Variants in CYP4F12 observed in about 807,000 individuals in gnomAD.
CYP4F12 encodes the protein cytochrome P450 family 4 subfamily F member 12, also known as cytochrome P450 4F12.
A neutral mutation model predicts 56.5 loss-of-function variants in CYP4F12; 60 were observed. That is an observed-to-expected ratio of 1.06 (90% CI 0.86 to 1.32). The LOEUF is 1.32. CYP4F12 is among the 40% of genes most tolerant of loss of function. The pLI is 0.00. For missense variants in CYP4F12, 711 were observed against 683.5 expected (o/e 1.04, Z -0.45); for synonymous variants, 263 against 264.9 (o/e 0.99, Z 0.07).
At chr19:15,686,826 G>C (rs1356636681) in intron 9 of CYP4F12, among the ~76,000 whole-genome samples, 1 of 152,196 alleles carries the variant, frequency 6.6e-6, no homozygotes, top group Non-Finnish European at 1.5e-5. Context: ...GCTGGGGATG[G>C]AGAGGAGGCA....
intron 9 of CYP4F12, among the ~76,000 whole-genome samples, chr19:15,686,279 C>T (rs2007599328): frequency 6.6e-6 from 1 of 152,164 alleles, no homozygotes; most frequent in African/African-American, 2.4e-5. Context: ...AGAAAGAACC[C>T]ATTTCTAAAA....
Position 15,695,811 on chromosome 19 carries a change from C to G in CYP4F12, c.1116-125C>G. ...ATTGTTTTCTGCTTTTTAAAATTCTCAAATGTTTGATCCCCGTGGAGTTTA... is the reference window on the plus strand; with the variant it reads ...ATTGTTTTCTGCTTTTTAAAATTCTGAAATGTTTGATCCCCGTGGAGTTTA... On this transcript the variant is annotated intron_variant, in intron 9 of 12. Coordinates refer to ENST00000550308, the MANE Select transcript of CYP4F12 (RefSeq NM_023944.4). The G allele has an allele frequency of 2.2e-6, 3 of 1,345,862 alleles. No homozygotes were observed. In the South Asian group the frequency reaches 6.1e-5, roughly 27 times the overall value. 83.4% of individuals were successfully genotyped at this position (1,345,862 alleles called of 1,614,324 possible).
intron 7 of CYP4F12, chr19:15,684,482 A>G (rs538390207): frequency 3.9e-4 from 108 of 276,218 alleles, no homozygotes; most frequent in African/African-American, 2.3e-3. Context: ...TCCAAGGCAA[A>G]TTGCCATTCA....
chr19:15,675,558 A>G (rs1292950324), intron 2 of CYP4F12, among the ~76,000 whole-genome samples: 2 of 152,216 alleles, frequency 1.3e-5, no homozygotes, highest in Non-Finnish European at 2.9e-5. Context: ...TTCCATGGGG[A>G]CCTTCCCATA....
In CYP4F12 at chr19:15,678,301, T is replaced by A. The variant is rs774403922; in HGVS notation, c.239T>A (p.Met80Lys). The change falls in exon 3 of 13, where the codon ATG becomes AAG. Residue 80 changes from methionine (M) to lysine (K), a missense_variant. By Grantham distance (95) the Met-to-Lys change is moderately conservative. Transcript: ENST00000550308. ...TEEGLKNSTQ[M>K]SATYSQGFTV... The stretch of plus-strand genomic sequence containing the variant: ...GAGGGCTTGAAGAACTCGACCCAGA[T>A]GTCGGCCACCTATTCCCAGGGCTTT... The A allele has an allele frequency of 1.9e-6, 3 of 1,614,102 alleles. No individual in the cohort carries two copies. In the African/African-American group the frequency reaches 4.0e-5, roughly 22 times the overall value.
intron 9 of CYP4F12, among the ~76,000 whole-genome samples, chr19:15,686,874 G>A (rs377724290): frequency 1.6e-4 from 24 of 152,184 alleles, no homozygotes; most frequent in East Asian, 3.8e-4. Flanking sequence ...GTGTCCTCCC[G>A]TCCAAGCCTT....
At position 15,696,974 on chromosome 19, in the gene CYP4F12, C is replaced by T; in HGVS notation, c.1464C>T (p.His488=). 6.2e-7 allele frequency: 1 copy of T among 1,614,250 alleles called. No individual in the cohort carries two copies. The highest frequency in any genetic ancestry group is 8.5e-7 in the Non-Finnish European group (1 of 1,180,042). ...TGGTCCTGGCGTTGATGCTGCTGCACTTCCGGTTCCTGCCAGACCACACTG... is the reference window on the plus strand; with the variant it reads ...TGGTCCTGGCGTTGATGCTGCTGCATTTCCGGTTCCTGCCAGACCACACTG... ...MKVVLALMLL[H]FRFLPDHTEP... The change falls in exon 13 of 13, where the codon CAC becomes CAT. Residue 488 remains histidine, a synonymous_variant. Transcript: ENST00000550308.
In CYP4F12 at chr19:15,697,027, T is replaced by A. The variant is rs184430991; in HGVS notation, c.1517T>A (p.Met506Lys). The change falls in exon 13 of 13, where the codon ATG (methionine) becomes AAG (lysine). Residue 506 changes from methionine (M) to lysine (K), a missense_variant. By Grantham distance (95) the Met-to-Lys change is moderately conservative. Transcript: ENST00000550308. ...TEPRRKLELI[M>K]RAEGGLWLRV... ...CCCCGCAGGAAGCTGGAATTGATCA[T>A]GCGCGCCGAGGGCGGGCTTTGGCTG... The A allele has an allele frequency of 3.4e-4, 548 of 1,614,194 alleles. 5 individuals are homozygous for A. In the East Asian group the frequency reaches 0.01, roughly 30 times the overall value.
At chr19:15,692,065 T>C (rs1437812109) in intron 9 of CYP4F12, among the ~76,000 whole-genome samples, 5 of 152,134 alleles carry the variant, frequency 3.3e-5, no homozygotes, top group African/African-American at 1.2e-4. Flanking sequence ...TTCAAGCTAT[T>C]CTCCTGCCTC....
chr19:15,689,221 A>G (rs1046446440), intron 9 of CYP4F12, among the ~76,000 whole-genome samples: 3 of 152,092 alleles, frequency 2.0e-5, no homozygotes, highest in Non-Finnish European at 4.4e-5. Flanking sequence ...GCTAGTATCC[A>G]GAATCTACAA....
chr19:15,678,426 G>T (rs1277533988), intron 3 of CYP4F12, 21 bp downstream of exon 3: 8 of 1,613,950 alleles, frequency 5.0e-6, no homozygotes, highest in Non-Finnish European at 5.1e-6. Flanking sequence ...AGAGCTTGTG[G>T]TGGTGGGTGC....
intron 9 of CYP4F12, among the ~76,000 whole-genome samples, chr19:15,694,464 G>C (rs2008027521): frequency 6.8e-6 from 1 of 146,896 alleles, no homozygotes; most frequent in South Asian, 2.2e-4. Flanking sequence ...GTGAATGGGA[G>C]TTCACTCATG....
chr19:15,680,500 A>G lies in CYP4F12; in HGVS notation c.506A>G (p.Lys169Arg), dbSNP rs1422029350. ...ILKSYITIFNKSANIMLDKWQ... is the reference protein window; with the variant it reads ...ILKSYITIFNRSANIMLDKWQ... ...AAGTCCTATATAACGATCTTCAACA[A>G]GAGTGCAAACATCATGCTTGTGAGT... is the stretch of plus-strand genomic sequence containing the variant. Residue 169 changes from lysine to arginine, a missense_variant, in exon 5 of 13, where the codon AAG becomes AGG. Physicochemically the swap from Lys to Arg is conservative, Grantham distance 26 (BLOSUM62 2). Transcript: ENST00000550308. 7.4e-6 allele frequency: 12 copies of G among 1,614,192 alleles called. No individual in the cohort carries two copies. The highest frequency in any genetic ancestry group is 1.0e-5 in the Non-Finnish European group (12 of 1,180,032).
In CYP4F12 at chr19:15,683,649, C is replaced by G. The variant is rs375796705; in HGVS notation, c.804C>G (p.Asp268Glu). 1 of 1,613,872 alleles carries G rather than the reference C, an allele frequency of 6.2e-7. No individual in the cohort carries two copies. The highest frequency in any genetic ancestry group is 8.5e-7 in the Non-Finnish European group (1 of 1,179,890). ...GCCGCCTGGTGCATGACTTCACAGA[C>G]GCTGTCATCCGGGAGCGGCGTCGCA... ...RACRLVHDFT[D>E]AVIRERRRTL... The change falls in exon 7 of 13, where the codon GAC becomes GAG. Residue 268 changes from aspartate to glutamate, a missense_variant. By Grantham distance (45) the Asp-to-Glu change is conservative. Coordinates refer to ENST00000550308, the MANE Select transcript of CYP4F12 (RefSeq NM_023944.4).
intron 5 of CYP4F12, chr19:15,681,384 A>G (rs1333865267): frequency 6.6e-6 from 1 of 152,258 alleles, no homozygotes; most frequent in African/African-American, 2.4e-5. Flanking sequence ...TGTTTTAAAT[A>G]TGCAAACTGA....
At chr19:15,675,855 CAGAT>C (rs1568412934) in intron 2 of CYP4F12, among the ~76,000 whole-genome samples, 1 of 152,146 alleles carries the variant, frequency 6.6e-6, no homozygotes, top group Non-Finnish European at 1.5e-5. Flanking sequence ...TCCTTAGAAA[CAGAT>C]AGGGTGTTTC....
chr19:15,684,620 G>A, intron 7 of CYP4F12, 196 bp from the exon 8 acceptor site: 2 of 530,090 alleles, frequency 3.8e-6, no homozygotes, highest in East Asian at 3.1e-5. Context: ...GGATCTGGGG[G>A]AAGCCCTTGG....
chr19:15,682,753 G>A (rs946200247), intron 6 of CYP4F12, among the ~76,000 whole-genome samples: 2 of 152,226 alleles, frequency 1.3e-5, no homozygotes, highest in Non-Finnish European at 2.9e-5. Flanking sequence ...TGTGGAAGTA[G>A]GGGCTAGATA....
rs141068973 is a variant in CYP4F12, at chr19:15,695,754, C to T, written c.1116-182C>T. On this transcript the variant is annotated intron_variant, in intron 9 of 12. Transcript: ENST00000550308. ...ATTTTTATCTATTTGGCTAAATTTT[C>T]TCTGGTACTTTTCTAATTCTCTGCT... Among the ~76,000 whole-genome samples, 1,392 of 152,232 alleles carry T rather than the reference C, an allele frequency of 9.1e-3. 7 individuals are homozygous for T. The highest frequency in any genetic ancestry group is 0.014 in the Non-Finnish European group (939 of 68,020).
Sources: gnomAD v4.1 joint callset for allele counts (sites outside exome capture counted in the v4.1 genomes callset) on GRCh38, gnomAD v4.1.1 for gene constraint, MANE v1.5 for transcripts, NCBI Gene and HGNC (gene_info 2026-07-23, HGNC 2026-07-21) for gene names.